The following FIG4 variants were observed in gnomAD, a reference collection of about 807,000 sequenced individuals.
The protein encoded by FIG4 is polyphosphoinositide phosphatase.
FIG4 carries 112 observed loss-of-function variants against 118.6 expected under a neutral mutation model. The observed-to-expected ratio is 0.94, with a 90% confidence interval of 0.81 to 1.11. FIG4 has a LOEUF of 1.11. FIG4 is among the 50% of genes least tolerant of loss of function. FIG4 has a pLI of 0.00. For synonymous variants in FIG4, 369 were observed against 381.2 expected (o/e 0.97, Z 0.37); for missense variants, 969 against 1,111.7 (o/e 0.87, Z 1.83).
chr6:109,707,279 GTA>G lies in FIG4; in HGVS notation c.67-7787_67-7786del, dbSNP rs1241698068. Among the ~76,000 whole-genome samples the G allele has an allele frequency of 1.3e-3, 190 of 145,362 alleles. 1 individual carries two copies. The highest frequency in any genetic ancestry group is 2.5e-3 in the Admixed American group (36 of 14,392). The stretch of plus-strand genomic sequence containing the variant: ...TTTATAAACTGATGTGTGTGTGTGT[GTA>G]TATATATATATGTGTGTGTGTGTGT... On this transcript the variant is annotated intron_variant, in intron 1 of 22. Transcript: ENST00000230124.
chr6:109,815,501 C>CT (rs1554312675), intron 22 of FIG4, among the ~76,000 whole-genome samples: 1 of 127,146 alleles, frequency 7.9e-6, no homozygotes, highest in African/African-American at 2.9e-5. Context: ...GGCTGCCCCC[C>CT]CCACCCCCCC....
At chr6:109,815,864 G>T (rs1030657649) in intron 22 of FIG4, among the ~76,000 whole-genome samples, 5 of 150,876 alleles carry the variant, frequency 3.3e-5, no homozygotes, top group Admixed American at 6.6e-5. Flanking sequence ...TTAGATTATG[G>T]GGGGGGGCAC....
chr6:109,754,842 C>T (rs1190820542), intron 10 of FIG4, among the ~76,000 whole-genome samples: 2 of 151,946 alleles, frequency 1.3e-5, no homozygotes, highest in East Asian at 3.9e-4. Context: ...CTTTATTAGT[C>T]TTGCTAGCAG....
chr6:109,762,730 T>G lies in FIG4; in HGVS notation c.1388+523T>G, dbSNP rs533465658. On this transcript the variant is annotated intron_variant, in intron 12 of 22. Transcript: ENST00000230124. ...AAGACAATAAAAAAGAACTAACTACTAGTGTATATGTCTTTGGAAGTAATC... is the reference window on the plus strand; with the variant it reads ...AAGACAATAAAAAAGAACTAACTACGAGTGTATATGTCTTTGGAAGTAATC... Among the ~76,000 whole-genome samples the G allele has an allele frequency of 3.9e-5, 6 of 152,034 alleles. No individual in the cohort carries two copies. The South Asian group carries it at 1.2e-3, about 32-fold the overall frequency.
chr6:109,715,232 A>ATATTT, intron 2 of FIG4, 56 bp downstream of exon 2: 2 of 839,736 alleles, frequency 2.4e-6, no homozygotes, highest in Non-Finnish European at 4.1e-6. Context: ...TGTTTAAAGG[A>ATATTT]CATGAAATAT....
intron 10 of FIG4, among the ~76,000 whole-genome samples, chr6:109,743,983 A>G (rs1776406252): frequency 6.6e-6 from 1 of 152,108 alleles, no homozygotes; most frequent in Admixed American, 6.6e-5. Context: ...GAAAAAAATG[A>G]GTAGTATATA....
intron 22 of FIG4, among the ~76,000 whole-genome samples, chr6:109,801,903 A>G (rs765442636): frequency 6.6e-6 from 1 of 152,220 alleles, no homozygotes; most frequent in Non-Finnish European, 1.5e-5. Flanking sequence ...GTCTCTGTGC[A>G]GCAAGCTGAA....
chr6:109,751,619 G>C (rs1338266835), intron 10 of FIG4, among the ~76,000 whole-genome samples: 2 of 151,964 alleles, frequency 1.3e-5, no homozygotes, highest in Non-Finnish European at 2.9e-5. Flanking sequence ...TCAGGGATTT[G>C]ACCTCTTCCT....
intron 1 of FIG4, among the ~76,000 whole-genome samples, chr6:109,712,602 T>C (rs565576181): frequency 2.0e-5 from 3 of 152,356 alleles, no homozygotes; most frequent in Admixed American, 1.3e-4. Flanking sequence ...AGGTCAGAAA[T>C]GTTCTCTATG....
intron 22 of FIG4, among the ~76,000 whole-genome samples, chr6:109,802,651 CT>C (rs766290449): frequency 1.5e-4 from 23 of 152,312 alleles, no homozygotes; most frequent in Non-Finnish European, 3.1e-4. Flanking sequence ...GAAAACTTAG[CT>C]CTGTTCCTGG....
chr6:109,792,610 A>G lies in FIG4; in HGVS notation c.2405A>G (p.Tyr802Cys), dbSNP rs370293982. 6.9e-6 allele frequency: 11 copies of G among 1,605,418 alleles called. No individual in the cohort carries two copies. Among genetic ancestry groups the G allele is most frequent in the East Asian group, 2.2e-5 (1 of 44,788 alleles). The change falls in exon 21 of 23, where the codon TAT (tyrosine) becomes TGT (cysteine). Residue 802 changes from tyrosine to cysteine, a missense_variant. Physicochemically the swap from Tyr to Cys is radical, Grantham distance 194. Coordinates refer to ENST00000230124, the MANE Select transcript of FIG4 (RefSeq NM_014845.6). ...ENVVQPMKELYGINLSDGLSE... is the reference protein window; with the variant it reads ...ENVVQPMKELCGINLSDGLSE... ...GTGGTCCAACCCATGAAGGAGCTAT[A>G]TGGAATTAACCTCTCAGATGGCCTC...
intron 22 of FIG4, among the ~76,000 whole-genome samples, chr6:109,809,758 C>T (rs1778670064): frequency 6.6e-6 from 1 of 152,188 alleles, no homozygotes; most frequent in South Asian, 2.1e-4. Context: ...CAAAAACTGT[C>T]TGAACTTCTT....
intron 10 of FIG4, among the ~76,000 whole-genome samples, chr6:109,756,967 CA>C (rs1776928738): frequency 6.6e-6 from 1 of 152,148 alleles, no homozygotes; most frequent in Admixed American, 6.5e-5. Flanking sequence ...AGCTTTGTTC[CA>C]TTGCTGGTGA....
chr6:109,712,555 A>G (rs1775298484), intron 1 of FIG4, among the ~76,000 whole-genome samples: 1 of 152,112 alleles, frequency 6.6e-6, no homozygotes, highest in African/African-American at 2.4e-5. Flanking sequence ...TTGTGATTAC[A>G]TTATGAAATT....
chr6:109,740,661 C>G (rs2128386504), intron 7 of FIG4, among the ~76,000 whole-genome samples: 1 of 152,198 alleles, frequency 6.6e-6, no homozygotes, highest in South Asian at 2.1e-4. Flanking sequence ...AGTTTGTCAC[C>G]TCAGTATTAC....
chr6:109,731,318 C>T (rs918904147), intron 4 of FIG4, among the ~76,000 whole-genome samples: 1 of 152,146 alleles, frequency 6.6e-6, no homozygotes, highest in East Asian at 1.9e-4. Context: ...CTATAGTGCA[C>T]AGTGGTTCTT....
intron 1 of FIG4, among the ~76,000 whole-genome samples, chr6:109,709,419 T>G: frequency 6.6e-6 from 1 of 152,174 alleles, no homozygotes; most frequent in African/African-American, 2.4e-5. Flanking sequence ...TTGTTCTTAT[T>G]GCTGAGGATT....
chr6:109,768,867 A>G (rs1305699724), intron 15 of FIG4, among the ~76,000 whole-genome samples: 1 of 152,124 alleles, frequency 6.6e-6, no homozygotes, highest in African/African-American at 2.4e-5. Flanking sequence ...AACAATAGAA[A>G]TGTATTTTCT....
chr6:109,769,342 G>T (rs1777387560), intron 15 of FIG4, among the ~76,000 whole-genome samples: 1 of 152,064 alleles, frequency 6.6e-6, no homozygotes. Context: ...AGAAAATGAT[G>T]TGCACAAATG....
Sources: gnomAD v4.1 joint callset for allele counts (sites outside exome capture counted in the v4.1 genomes callset) on GRCh38, gnomAD v4.1.1 for gene constraint, MANE v1.5 for transcripts, NCBI Gene and HGNC (gene_info 2026-07-23, HGNC 2026-07-21) for gene names.